Variants in CACNB2 observed in about 807,000 individuals in gnomAD.
The protein encoded by CACNB2 is voltage-dependent L-type calcium channel subunit beta-2.
A neutral mutation model predicts 73.3 loss-of-function variants in CACNB2; 42 were observed. The ratio of observed to expected loss-of-function variants is 0.57; its 90% CI spans 0.45 to 0.74. The LOEUF is 0.74. CACNB2 is among the 30% of genes least tolerant of loss of function. CACNB2 has a pLI of 0.00. For synonymous variants in CACNB2, 348 were observed against 310.3 expected (o/e 1.12, Z -1.28); for missense variants, 940 against 853.0 (o/e 1.10, Z -1.27).
Position 18,539,738 on chromosome 10 carries a change from G to GTGTT in CACNB2, c.*16_*19dup, listed in dbSNP as rs772575156. The GTGTT allele has an allele frequency of 2.6e-6, 4 of 1,509,814 alleles. No individual in the cohort carries two copies. The highest frequency in any genetic ancestry group is 3.5e-6 in the Non-Finnish European group (4 of 1,141,242). 93.5% of individuals were successfully genotyped at this position (1,509,814 alleles called of 1,614,324 possible). A position where few individuals can be genotyped will look rare whatever the true frequency, so the allele number is the denominator to read the frequency against. ...ATCCGCCAATGAGTTTTGCCCGTTT[G>GTGTT]TGTTTTTTTTTTTTTTTTTTTGAAG... On this transcript the variant is annotated 3_prime_UTR_variant, in exon 14 of 14. Transcript: ENST00000324631.
chr10:18,419,065 C>G (rs1050439287), intron 3 of CACNB2, among the ~76,000 whole-genome samples: 3 of 152,170 alleles, frequency 2.0e-5, no homozygotes, highest in Admixed American at 1.3e-4. Flanking sequence ...CTCAGTGACA[C>G]TCATCCCCAG....
chr10:18,480,707 A>T (rs1206682144), intron 3 of CACNB2, among the ~76,000 whole-genome samples: 4 of 152,200 alleles, frequency 2.6e-5, no homozygotes, highest in African/African-American at 4.8e-5. Context: ...TTTTGTCTCT[A>T]ACTGCTTAGG....
rs976083918 is a variant in CACNB2 at position 18,543,316 on chromosome 10, C to G, written c.*3592C>G. The G allele has an allele frequency of 6.6e-6, 1 of 152,014 alleles. No individual in the cohort carries two copies. The highest frequency in any genetic ancestry group is 1.9e-4 in the East Asian group (1 of 5,194). The allele number at this position is 152,014 out of a possible 1,614,324, so 9.4% of individuals were successfully genotyped here. ...CTGATTAAAAAAAAAGATACCTCCACGTAGATAAAATATTTTATTCAACGT... is the reference window on the plus strand; with the variant it reads ...CTGATTAAAAAAAAAGATACCTCCAGGTAGATAAAATATTTTATTCAACGT... On this transcript the variant is annotated 3_prime_UTR_variant, in exon 14 of 14. Coordinates refer to ENST00000324631, the MANE Select transcript of CACNB2 (RefSeq NM_201596.3).
At position 18,469,553 on chromosome 10, in the gene CACNB2, G is replaced by A. The variant is rs1183540868; in HGVS notation, c.334-28802G>A. 2.6e-5 allele frequency among the ~76,000 whole-genome samples: 4 copies of A among 152,290 alleles called. No homozygotes were observed. In the East Asian group the frequency reaches 7.7e-4, roughly 29 times the overall value. ...CTTAATTCTAGCAAATTCCTAAACT[G>A]TATCCAAATCTAGAAGTCTGACCCC... On this transcript the variant is annotated intron_variant, in intron 3 of 13. Transcript: ENST00000324631.
chr10:18,432,208 G>C (rs1421921960), intron 3 of CACNB2, among the ~76,000 whole-genome samples: 1 of 152,166 alleles, frequency 6.6e-6, no homozygotes, highest in African/African-American at 2.4e-5. Flanking sequence ...TTGACTTGTA[G>C]CTAGCCTCAG....
intron 3 of CACNB2, among the ~76,000 whole-genome samples, chr10:18,478,844 A>G (rs2048573419): frequency 6.6e-6 from 1 of 152,154 alleles, no homozygotes; most frequent in African/African-American, 2.4e-5. Flanking sequence ...AGCAGAAACC[A>G]TTGGTCTCTT....
In CACNB2 at chr10:18,541,028, T is replaced by TTAGAG. The variant is rs1233597892; in HGVS notation, c.*1307_*1311dup. 9 of 127,678 alleles carry TTAGAG rather than the reference T, an allele frequency of 7.0e-5. No individual in the cohort carries two copies. The East Asian group carries it at 1.6e-3, about 23-fold the overall frequency. 7.9% of individuals were successfully genotyped at this position (127,678 alleles called of 1,614,324 possible). ...ACTGGAAATGTACAATCTTTGTGTG[T>TTAGAG]TAGAGTATTTGTTTTAGTAAGAAAT... On this transcript the variant is annotated 3_prime_UTR_variant, in exon 14 of 14. Transcript: ENST00000324631.
chr10:18,406,803 G>A (rs1228137432), intron 3 of CACNB2, among the ~76,000 whole-genome samples: 2 of 152,136 alleles, frequency 1.3e-5, no homozygotes, highest in Admixed American at 6.5e-5. Context: ...GTGCCAAAAA[G>A]GTGGAGGACT....
intron 2 of CACNB2, among the ~76,000 whole-genome samples, chr10:18,249,684 C>T (rs74117931): frequency 0.085 from 12,993 of 152,088 alleles, 747 homozygotes; most frequent in East Asian, 0.27. Flanking sequence ...TTTTCAGCTC[C>T]TCTTTCTTGG....
At position 18,500,953 on chromosome 10, in the gene CACNB2, G is replaced by T. The variant is rs1209597048; in HGVS notation, c.593+5G>T. The T allele has an allele frequency of 6.2e-7, 1 of 1,613,586 alleles. No individual in the cohort carries two copies. Among genetic ancestry groups the T allele is most frequent in the Admixed American group, 1.7e-5 (1 of 59,998 alleles). On this transcript the variant is annotated splice_donor_5th_base_variant and intron_variant, in intron 5 of 13. Transcript: ENST00000324631. Reference sequence around the variant, plus strand: ...GCAAGGGAAATTCTACTCCAGGTATGAGACAGATGTCAAGTGTTTGCATAA... The same window carrying T: ...GCAAGGGAAATTCTACTCCAGGTATTAGACAGATGTCAAGTGTTTGCATAA...
intron 10 of CACNB2, among the ~76,000 whole-genome samples, chr10:18,530,970 G>A (rs2052963609): frequency 6.6e-6 from 1 of 152,216 alleles, no homozygotes. Context: ...AGCCTGGGGA[G>A]AAAGGTAGTT....
chr10:18,420,442 C>A, intron 3 of CACNB2, among the ~76,000 whole-genome samples: 1 of 151,982 alleles, frequency 6.6e-6, no homozygotes, highest in East Asian at 1.9e-4. Context: ...TAACTGGGGA[C>A]CCAGGAAGGC....
At chr10:18,510,509 G>T (rs1032101081) in intron 6 of CACNB2, among the ~76,000 whole-genome samples, 35 of 152,114 alleles carry the variant, frequency 2.3e-4, no homozygotes, top group African/African-American at 8.5e-4. Flanking sequence ...TACCATGTTG[G>T]CCAGGTTGGC....
chr10:18,467,887 G>C (rs1262280507), intron 3 of CACNB2, among the ~76,000 whole-genome samples: 1 of 152,142 alleles, frequency 6.6e-6, no homozygotes, highest in Non-Finnish European at 1.5e-5. Context: ...ACAAGATTCT[G>C]ATTTCCTGTT....
rs1394412824 is a variant in CACNB2 at position 18,451,229 on chromosome 10, TA to T, written c.334-47124del. Among the ~76,000 whole-genome samples the T allele has an allele frequency of 5.9e-5, 9 of 152,284 alleles. No individual in the cohort carries two copies. The East Asian group carries it at 1.7e-3, about 29-fold the overall frequency. On this transcript the variant is annotated intron_variant, in intron 3 of 13. Transcript: ENST00000324631. ...TATCAGCCTCCTGATGTGAGAAAAG[TA>T]ACTACTTAATGAAGAGATCCAAAAT...
Position 18,241,891 on chromosome 10 carries a change from GAA to G in CACNB2, c.213+90917_213+90918del, listed in dbSNP as rs1435676717. ...CTACGTCATGTAATATTTTGAAAGA[GAA>G]GAATTGTAAGTGGATTGATCATCTT... is the stretch of plus-strand genomic sequence containing the variant. On this transcript the variant is annotated intron_variant, in intron 2 of 13. Transcript: ENST00000324631. Among the ~76,000 whole-genome samples, 8 of 152,098 alleles carry G rather than the reference GAA, an allele frequency of 5.3e-5. No individual in the cohort carries two copies. The East Asian group carries it at 1.5e-3, about 29-fold the overall frequency.
intron 7 of CACNB2, among the ~76,000 whole-genome samples, chr10:18,516,952 C>T (rs1399994762): frequency 1.3e-5 from 2 of 152,110 alleles, no homozygotes; most frequent in Middle Eastern, 3.4e-3. Flanking sequence ...CTGATTATAT[C>T]GTCTGTGACT....
chr10:18,276,703 C>T (rs2038303247), intron 2 of CACNB2, among the ~76,000 whole-genome samples: 1 of 152,164 alleles, frequency 6.6e-6, no homozygotes, highest in Non-Finnish European at 1.5e-5. Flanking sequence ...CGCAGCCTCC[C>T]AAGTAGCTGG....
chr10:18,166,654 C>CAGAGG (rs2032873281), intron 2 of CACNB2, among the ~76,000 whole-genome samples: 1 of 152,050 alleles, frequency 6.6e-6, no homozygotes, highest in African/African-American at 2.4e-5. Context: ...TAGTCCAGGA[C>CAGAGG]AGAGGAGAGG....
Sources: gnomAD v4.1 joint callset for allele counts (sites outside exome capture counted in the v4.1 genomes callset) on GRCh38, gnomAD v4.1.1 for gene constraint, MANE v1.5 for transcripts, NCBI Gene and HGNC (gene_info 2026-07-23, HGNC 2026-07-21) for gene names.